The following TENM3 variants were observed in gnomAD, a reference collection of about 807,000 sequenced individuals.
TENM3 encodes the protein teneurin-3.
A neutral mutation model predicts 255.1 loss-of-function variants in TENM3; 63 were observed. That is an observed-to-expected ratio of 0.25 (90% confidence interval 0.20 to 0.30). The LOEUF (loss-of-function observed/expected upper bound fraction) is 0.30, where lower values mean the gene tolerates loss of function less well. Ranked by LOEUF, TENM3 falls within the 10% of genes least tolerant of loss-of-function variation. TENM3 has a pLI of 1.00. For missense variants in TENM3, 2,929 were observed against 3,461.1 expected (o/e 0.85, Z 3.86); for synonymous variants, 1,306 against 1,322.3 (o/e 0.99, Z 0.27).
At chr4:182,665,605 C>A (rs1040016072) in intron 6 of TENM3, among the ~76,000 whole-genome samples, 1 of 151,988 alleles carries the variant, frequency 6.6e-6, no homozygotes, top group African/African-American at 2.4e-5. Flanking sequence ...CAATTAAAAA[C>A]CTCCTGGAGG....
chr4:182,324,134 G>C lies in TENM3; in HGVS notation c.114G>C (p.Gln38His), dbSNP rs772687198. 1.9e-6 allele frequency: 3 copies of C among 1,613,878 alleles called. No individual in the cohort carries two copies. Among genetic ancestry groups the C allele is most frequent in the Non-Finnish European group, 2.5e-6 (3 of 1,179,900 alleles). ...ADNEECRVPT[Q>H]KSYSSSETLK... Reference sequence around the variant, plus strand: ...ATGAGGAGTGCCGGGTACCCACACAGAAGTCCTACAGTTCCAGCGAGACAT... The same window carrying C: ...ATGAGGAGTGCCGGGTACCCACACACAAGTCCTACAGTTCCAGCGAGACAT... Residue 38 changes from glutamine to histidine, a missense_variant, in exon 2 of 28, where the codon CAG becomes CAC. Around this residue, in one of 6 missense-constraint regions of TENM3, gnomAD observed 283 missense variants for 256.9 expected, o/e 1.10. Coordinates refer to ENST00000511685, the MANE Select transcript of TENM3 (RefSeq NM_001080477.4).
At chr4:181,934,548 G>A in the TENM3 span, among the ~76,000 whole-genome samples, 13 of 151,968 alleles carry the variant, frequency 8.6e-5, no homozygotes, top group African/African-American at 3.1e-4. Context: ...GGATGGGACT[G>A]GAATGAGAAA....
At chr4:181,893,819 G>C in the TENM3 span, among the ~76,000 whole-genome samples, 1 of 152,008 alleles carries the variant, frequency 6.6e-6, no homozygotes. Flanking sequence ...ACTATACAGA[G>C]CCATCCCGAT....
intron 4 of TENM3, among the ~76,000 whole-genome samples, chr4:182,601,873 A>G (rs908137879): frequency 1.3e-5 from 2 of 152,226 alleles, no homozygotes; most frequent in East Asian, 1.9e-4. Context: ...TTCATACATG[A>G]TGGCCCATGA....
At chr4:181,916,295 T>G in the TENM3 span, among the ~76,000 whole-genome samples, 4 of 152,358 alleles carry the variant, frequency 2.6e-5, no homozygotes, top group South Asian at 4.1e-4. Flanking sequence ...ATTAGAATTA[T>G]AATTCTATAG....
intron 6 of TENM3, among the ~76,000 whole-genome samples, chr4:182,672,150 G>C (rs919062696): frequency 2.0e-5 from 3 of 152,178 alleles, no homozygotes; most frequent in Non-Finnish European, 4.4e-5. Context: ...AAGAACCTTG[G>C]CAAAGAGGGA....
chr4:181,928,915 T>A, the TENM3 span, among the ~76,000 whole-genome samples: 34 of 152,308 alleles, frequency 2.2e-4, no homozygotes, highest in Non-Finnish European at 4.4e-4. Flanking sequence ...CACAATTTCA[T>A]ATCCAGTGAA....
the TENM3 span, among the ~76,000 whole-genome samples, chr4:182,048,888 G>A: frequency 6.6e-6 from 1 of 152,184 alleles, no homozygotes; most frequent in Non-Finnish European, 1.5e-5. Context: ...TGTAAATGGT[G>A]TTATCACCAG....
the TENM3 span, among the ~76,000 whole-genome samples, chr4:182,075,726 C>T: frequency 3.3e-5 from 5 of 152,160 alleles, no homozygotes; most frequent in African/African-American, 4.8e-5. Flanking sequence ...CCATGGCCTT[C>T]TTGGTGAATT....
the TENM3 span, among the ~76,000 whole-genome samples, chr4:181,535,484 G>C: frequency 1.3e-5 from 2 of 152,118 alleles, no homozygotes; most frequent in African/African-American, 4.8e-5. Flanking sequence ...GGCCCCTACA[G>C]TCTCTCCTTA....
the TENM3 span, among the ~76,000 whole-genome samples, chr4:181,639,965 C>A: frequency 6.6e-6 from 1 of 152,156 alleles, no homozygotes; most frequent in Admixed American, 6.6e-5. Flanking sequence ...TGTCGCTTTG[C>A]CATTTATTTT....
chr4:182,798,722 C>G (rs557023800), intron 27 of TENM3, among the ~76,000 whole-genome samples: 6 of 152,326 alleles, frequency 3.9e-5, no homozygotes, highest in South Asian at 4.1e-4. Context: ...TCCTAAGCAG[C>G]CTTTTAAATA....
chr4:181,495,945 C>T, the TENM3 span, among the ~76,000 whole-genome samples: 2 of 148,052 alleles, frequency 1.4e-5, no homozygotes, highest in African/African-American at 5.0e-5. Flanking sequence ...TTTGCTCATC[C>T]AGTCTACCTG....
At chr4:182,785,186 C>T (rs1227670882) in intron 24 of TENM3, among the ~76,000 whole-genome samples, 21 of 151,844 alleles carry the variant, frequency 1.4e-4, no homozygotes, top group Admixed American at 1.4e-3. Context: ...AAGTGATCCT[C>T]CCACCCCAGG....
chr4:182,111,950 A>G, the TENM3 span, among the ~76,000 whole-genome samples: 1 of 152,184 alleles, frequency 6.6e-6, no homozygotes, highest in Non-Finnish European at 1.5e-5. Flanking sequence ...AAGCTAGAAA[A>G]ATTCCATCCA....
chr4:182,465,280 A>G (rs951822555), intron 3 of TENM3, among the ~76,000 whole-genome samples: 13 of 152,262 alleles, frequency 8.5e-5, no homozygotes, highest in African/African-American at 2.9e-4. Context: ...CCTAATCCTC[A>G]CTGGGAGGGT....
Position 182,789,579 on chromosome 4 carries a change from A to C in TENM3, c.5601+190A>C, listed in dbSNP as rs1417304904. ...TGCATTAGCAAAGTAGTTTCTCCTT[A>C]GTTAAGTTCTACTGTCTGAGACCCT... On this transcript the variant is annotated intron_variant, in intron 25 of 27. Coordinates refer to ENST00000511685, the MANE Select transcript of TENM3 (RefSeq NM_001080477.4). The surrounding 1 kb of genome is among the most constrained non-coding windows in gnomAD (Gnocchi z 4.4). 6.6e-6 allele frequency among the ~76,000 whole-genome samples: 1 copy of C among 152,258 alleles called. No homozygotes were observed. The highest frequency in any genetic ancestry group is 2.4e-5 in the African/African-American group (1 of 41,468).
intron 3 of TENM3, chr4:182,350,120 A>G (rs1010111710): frequency 6.3e-6 from 1 of 158,882 alleles, no homozygotes; most frequent in Non-Finnish European, 1.4e-5. Flanking sequence ...GAATTTAGTC[A>G]CTAAAAGGGA....
chr4:181,496,900 C>T, the TENM3 span, among the ~76,000 whole-genome samples: 1 of 152,164 alleles, frequency 6.6e-6, no homozygotes, highest in South Asian at 2.1e-4. Context: ...TGGGCAGTAA[C>T]ATTTTCTAGC....
Sources: gnomAD v4.1 joint callset for allele counts (sites outside exome capture counted in the v4.1 genomes callset) on GRCh38, gnomAD v4.1.1 for gene constraint, gnomAD v4.1.1 regional missense constraint, Gnocchi (gnomAD v3.1) non-coding constraint, MANE v1.5 for transcripts, NCBI Gene and HGNC (gene_info 2026-07-23, HGNC 2026-07-21) for gene names.